OTOA: variants seen among roughly 807,000 people sequenced by gnomAD.
OTOA encodes cancer/testis antigen 108.
In OTOA, 70 loss-of-function variants were observed where a neutral mutation model predicts 110.8. The observed-to-expected ratio is 0.63, with a 90% CI of 0.52 to 0.77. The LOEUF is 0.77. OTOA is among the 30% of genes least tolerant of loss of function. OTOA has a pLI of 0.00. For missense variants in OTOA, 917 were observed against 1,075.8 expected (o/e 0.85, Z 2.06); for synonymous variants, 373 against 431.5 (o/e 0.86, Z 1.68).
rs1900066938 is a variant in OTOA at position 21,758,556 on chromosome 16, A to C, written c.3349+1279A>C. 2.0e-5 allele frequency among the ~76,000 whole-genome samples: 3 copies of C among 149,154 alleles called. No individual in the cohort carries two copies. In the South Asian group the frequency reaches 6.7e-4, roughly 33 times the overall value. ...GGTGCTTGACTAAAACCTCCACTCC[A>C]CCTTTTCCTGACTTGAATGTCTCCC... On this transcript the variant is annotated intron_variant, in intron 28 of 28. Transcript: ENST00000646100.
chr16:21,715,296 G>T, intron 14 of OTOA, 144 bp downstream of exon 14: 2 of 1,052,962 alleles, frequency 1.9e-6, no homozygotes, highest in East Asian at 2.4e-5. Context: ...GCCTTCTCCT[G>T]GTGGCACACC....
chr16:21,680,633 G>A lies in OTOA; in HGVS notation c.180-1105G>A, dbSNP rs145464941. ...TTTGGGAGGCCAAGGTAGGAGGATC[G>A]CTTAAGGCCAGGAGTTCCAGCCCAG... On this transcript the variant is annotated intron_variant, in intron 5 of 28. Transcript: ENST00000646100. 1.6e-3 allele frequency among the ~76,000 whole-genome samples: 245 copies of A among 152,112 alleles called. 2 individuals carry two copies. The highest frequency in any genetic ancestry group is 3.4e-3 in the Middle Eastern group (1 of 294).
At chr16:21,719,527 C>T (rs1363389245) in intron 17 of OTOA, 23 bp downstream of exon 17, 3 of 1,596,060 alleles carry the variant, frequency 1.9e-6, no homozygotes, top group Non-Finnish European at 2.6e-6. Flanking sequence ...CATTTTCCAG[C>T]TTCTAATTCT....
Position 21,687,490 on chromosome 16 carries a change from G to C in OTOA, c.477G>C (p.Leu159=). The C allele has an allele frequency of 1.2e-6, 2 of 1,614,066 alleles. No homozygotes were observed. ...ALQSPGVNRS[L]FLITLERCFQ... ...AGAGCCCTGGCGTGAACCGCAGCCT[G>C]TTTCTCATCACACTGGAGAGGTGTT... is the stretch of plus-strand genomic sequence containing the variant. Residue 159 remains leucine (L), a synonymous_variant, in exon 8 of 29, where the codon CTG becomes CTC. Coordinates refer to ENST00000646100, the MANE Select transcript of OTOA (RefSeq NM_144672.4).
Position 21,687,378 on chromosome 16 carries a change from T to A in OTOA, c.400-35T>A, listed in dbSNP as rs767772154. The A allele has an allele frequency of 1.9e-6, 3 of 1,590,738 alleles. No homozygotes were observed. In the East Asian group the frequency reaches 6.7e-5, roughly 36 times the overall value. On this transcript the variant is annotated intron_variant, in intron 7 of 28. Coordinates refer to ENST00000646100, the MANE Select transcript of OTOA (RefSeq NM_144672.4). Reference sequence around the variant, plus strand: ...CAGGGCTTCCAAATTGAGAGGCAGCTCTCAAACTGACCCTGGCTTCTGTCA... The same window carrying A: ...CAGGGCTTCCAAATTGAGAGGCAGCACTCAAACTGACCCTGGCTTCTGTCA...
intron 1 of OTOA, among the ~76,000 whole-genome samples, chr16:21,664,856 C>T (rs1966832041): frequency 6.6e-6 from 1 of 152,036 alleles, no homozygotes; most frequent in Admixed American, 6.6e-5. Context: ...CCTGTAATCT[C>T]AGCTACTCCG....
chr16:21,684,355 G>T, intron 6 of OTOA: 1 of 1,398,296 alleles, frequency 7.2e-7, no homozygotes. Flanking sequence ...CCAGACAGCA[G>T]AGGAAATCTC....
At chr16:21,668,133 G>A (rs1966844416) in intron 1 of OTOA, among the ~76,000 whole-genome samples, 1 of 152,190 alleles carries the variant, frequency 6.6e-6, no homozygotes, top group Admixed American at 6.5e-5. Context: ...TTTTGAGACA[G>A]GATCTTGTTC....
chr16:21,732,661 C>T (rs1899154131), intron 21 of OTOA, among the ~76,000 whole-genome samples: 1 of 151,794 alleles, frequency 6.6e-6, no homozygotes, highest in African/African-American at 2.4e-5. Flanking sequence ...CTCAAAAACA[C>T]AGTGTAGAGT....
At chr16:21,696,052 G>A (rs1030668984) in intron 9 of OTOA, among the ~76,000 whole-genome samples, 19 of 150,954 alleles carry the variant, frequency 1.3e-4, no homozygotes, top group South Asian at 2.1e-4. Flanking sequence ...GCGCTACCAC[G>A]CCTGGCTAAT....
chr16:21,728,249 C>G lies in OTOA; in HGVS notation c.2025C>G (p.Ser675=). The G allele has an allele frequency of 6.2e-7, 1 of 1,614,144 alleles. No homozygotes were observed. The highest frequency in any genetic ancestry group is 8.5e-7 in the Non-Finnish European group (1 of 1,180,014). ...CCACTTTTTGGGTTCAGGACGACTCCATTGCTGATGAGTACACTGTGGACA... is the reference window on the plus strand; with the variant it reads ...CCACTTTTTGGGTTCAGGACGACTCGATTGCTGATGAGTACACTGTGGACA... The part of the protein sequence containing the change: ...LRKVQQCLDD[S]IADEYTVDIM... Residue 675 remains serine, a synonymous_variant, in exon 20 of 29, where the codon TCC becomes TCG. Coordinates refer to ENST00000646100, the MANE Select transcript of OTOA (RefSeq NM_144672.4).
chr16:21,701,449 GC>G (rs376986517), intron 11 of OTOA, among the ~76,000 whole-genome samples: 142 of 152,248 alleles, frequency 9.3e-4, no homozygotes, highest in African/African-American at 3.3e-3. Flanking sequence ...TAGCTGGGGA[GC>G]CCCTGGATGA....
At chr16:21,701,184 C>G (rs1289640678) in intron 11 of OTOA, 157 bp downstream of exon 11, 10 of 1,112,384 alleles carry the variant, frequency 9.0e-6, no homozygotes, top group Middle Eastern at 4.4e-4. Flanking sequence ...GGAGAGGTGT[C>G]TGCAACTTTT....
chr16:21,694,939 T>C (rs936679152), intron 9 of OTOA, among the ~76,000 whole-genome samples: 1 of 152,166 alleles, frequency 6.6e-6, no homozygotes, highest in African/African-American at 2.4e-5. Context: ...GACTTCTCTG[T>C]CTTTATTGCC....
chr16:21,718,786 C>T (rs1898634253), intron 15 of OTOA, among the ~76,000 whole-genome samples: 1 of 152,068 alleles, frequency 6.6e-6, no homozygotes. Context: ...GGCAGGTGCA[C>T]ATGTGAATAG....
intron 14 of OTOA, among the ~76,000 whole-genome samples, chr16:21,716,208 T>C (rs754807322): frequency 1.3e-5 from 2 of 152,150 alleles, no homozygotes; most frequent in African/African-American, 2.4e-5. Context: ...GCCCCTTTTT[T>C]ACTTGTCAGG....
rs771927295 is a variant in OTOA, at chr16:21,704,980, G to A, written c.981-189G>A. 7.7e-6 allele frequency: 7 copies of A among 908,158 alleles called. 1 individual carries two copies. Among genetic ancestry groups the A allele is most frequent in the South Asian group, 3.9e-5 (3 of 76,982 alleles). 56.3% of individuals were successfully genotyped at this position (908,158 alleles called of 1,614,324 possible). On this transcript the variant is annotated intron_variant, in intron 11 of 28. Transcript: ENST00000646100. Reference sequence around the variant, plus strand: ...AATTCAGCCCCCATTCCTTGGTCTCGTCTGAGCAGTTAGGTTCCGCCTGTG... The same window carrying A: ...AATTCAGCCCCCATTCCTTGGTCTCATCTGAGCAGTTAGGTTCCGCCTGTG...
chr16:21,744,285 G>A (rs1215561898), intron 23 of OTOA, among the ~76,000 whole-genome samples: 1 of 151,868 alleles, frequency 6.6e-6, no homozygotes, highest in Non-Finnish European at 1.5e-5. Flanking sequence ...GATTACAGAT[G>A]TGCGCCACCA....
At chr16:21,689,569 A>C (rs1897787238) in intron 8 of OTOA, among the ~76,000 whole-genome samples, 1 of 152,198 alleles carries the variant, frequency 6.6e-6, no homozygotes, top group South Asian at 2.1e-4. Flanking sequence ...GAATAGTTTT[A>C]GGTGTAGGGC....
Sources: allele counts gnomAD v4.1 joint callset (sites outside exome capture counted in the v4.1 genomes callset), GRCh38; gene constraint gnomAD v4.1.1; transcripts MANE v1.5; gene names NCBI Gene and HGNC (gene_info 2026-07-23, HGNC 2026-07-21).